Variants in KCNN3 observed in about 807,000 individuals in gnomAD.
The protein encoded by KCNN3 is potassium calcium-activated channel subfamily N member 3.
A neutral mutation model predicts 62.9 loss-of-function variants in KCNN3; 16 were observed. The ratio of observed to expected loss-of-function variants is 0.25; its 90% CI spans 0.17 to 0.39. The LOEUF (loss-of-function observed/expected upper bound fraction) is 0.39. Ranked by LOEUF, KCNN3 falls within the 10% of genes least tolerant of loss-of-function variation. KCNN3 has a pLI of 1.00. For missense variants in KCNN3, 599 were observed against 949.4 expected, an observed-to-expected ratio of 0.63 and a Z score of 4.85; for synonymous variants, 370 against 389.2, an observed-to-expected ratio of 0.95 and a Z score of 0.58.
chr1:154,731,442 C>G (rs1700589929), intron 4 of KCNN3, among the ~76,000 whole-genome samples: 1 of 152,248 alleles, frequency 6.6e-6, no homozygotes. Context: ...AGCCTGGCCC[C>G]TCCTGCTCAG....
At position 154,869,401 on chromosome 1, in the gene KCNN3, G is replaced by A; in HGVS notation, c.564C>T (p.Leu188=). 6.2e-7 allele frequency: 1 copy of A among 1,614,066 alleles called. No homozygotes were observed. Among genetic ancestry groups the A allele is most frequent in the East Asian group, 2.2e-5 (1 of 44,870 alleles). The change falls in exon 1 of 8, where the codon CTC becomes CTT. Residue 188 remains leucine, a synonymous_variant. Coordinates refer to ENST00000271915, the MANE Select transcript of KCNN3 (RefSeq NM_002249.6). The surrounding 1 kb of genome is among the most constrained non-coding windows in gnomAD (Gnocchi z 6.1). The stretch of plus-strand genomic sequence containing the variant: ...TCCTCCGGGAGGCGCTGAGGCGGCT[G>A]AGGGGCTTCATGACCCCACCGCTAT... ...CKYSGGVMKP[L]SRLSASRRNL...
At chr1:154,815,334 T>C (rs1254305737) in intron 2 of KCNN3, among the ~76,000 whole-genome samples, 2 of 152,060 alleles carry the variant, frequency 1.3e-5, no homozygotes, top group African/African-American at 2.4e-5. Context: ...TCTTTTTTTT[T>C]CCTCTCCTGA....
At chr1:154,783,827 C>T (rs1649165089) in intron 2 of KCNN3, among the ~76,000 whole-genome samples, 1 of 152,166 alleles carries the variant, frequency 6.6e-6, no homozygotes, top group Non-Finnish European at 1.5e-5. Flanking sequence ...GAGCATGTGG[C>T]GTTCAGCGCT....
intron 2 of KCNN3, among the ~76,000 whole-genome samples, chr1:154,785,376 G>C (rs74863659): frequency 1.3e-5 from 2 of 152,200 alleles, no homozygotes; most frequent in Non-Finnish European, 1.5e-5. Flanking sequence ...CCAGGTGGTG[G>C]TGGTGGGCAG....
chr1:154,785,800 G>A (rs971081707), intron 2 of KCNN3, among the ~76,000 whole-genome samples: 7 of 151,704 alleles, frequency 4.6e-5, no homozygotes, highest in African/African-American at 7.3e-5. Flanking sequence ...GGGGTTTTGC[G>A]ATGTTGGCCA....
intron 4 of KCNN3, among the ~76,000 whole-genome samples, chr1:154,729,581 T>C (rs1700547385): frequency 6.6e-6 from 1 of 152,038 alleles, no homozygotes; most frequent in Non-Finnish European, 1.5e-5. Flanking sequence ...GGGAAAAGTA[T>C]GAGGTGTTCT....
At position 154,804,554 on chromosome 1, in the gene KCNN3, A is replaced by G. The variant is rs559247606; in HGVS notation, c.1029+17535T>C. On this transcript the variant is annotated intron_variant, in intron 2 of 7. Transcript: ENST00000271915. ...TACCAGCCCTCTCCCTCCCAAGACC[A>G]TGAACTATTTGAAGGCAGAGAACAC... Among the ~76,000 whole-genome samples, 3 of 152,192 alleles carry G rather than the reference A, an allele frequency of 2.0e-5. No homozygotes were observed. In the East Asian group the frequency reaches 5.8e-4, roughly 29 times the overall value.
intron 3 of KCNN3, among the ~76,000 whole-genome samples, chr1:154,750,906 G>C (rs113637245): frequency 6.6e-6 from 1 of 152,212 alleles, no homozygotes; most frequent in Admixed American, 6.5e-5. Context: ...CCCTGGACAC[G>C]TGGCTGAAGG....
intron 2 of KCNN3, among the ~76,000 whole-genome samples, chr1:154,783,813 T>C (rs1184129251): frequency 6.6e-6 from 1 of 152,060 alleles, no homozygotes; most frequent in Non-Finnish European, 1.5e-5. Context: ...GACTGTAAGA[T>C]CAGGAGCATG....
chr1:154,820,702 A>C (rs556392059), intron 2 of KCNN3, among the ~76,000 whole-genome samples: 6 of 152,220 alleles, frequency 3.9e-5, no homozygotes, highest in Non-Finnish European at 8.8e-5. Flanking sequence ...TGTCCAATTC[A>C]GACTCCATGA....
chr1:154,772,527 G>A lies in KCNN3; in HGVS notation c.1030-134C>T. The A allele has an allele frequency of 1.2e-6, 1 of 812,974 alleles. No homozygotes were observed. Among genetic ancestry groups the A allele is most frequent in the Non-Finnish European group, 2.1e-6 (1 of 483,048 alleles). The allele number at this position is 812,974 out of a possible 1,614,324, so 50.4% of individuals were successfully genotyped here. ...CCTGACCACCTCAGCATGCTCTTTA[G>A]GGGCCTTGCTATGTGGCAAGAGCCC... On this transcript the variant is annotated intron_variant, in intron 2 of 7. Transcript: ENST00000271915. This position sits in a 1 kb window ranked among gnomAD's most constrained non-coding sequence, Gnocchi z 5.6.
At chr1:154,865,945 G>T (rs936816251) in intron 1 of KCNN3, among the ~76,000 whole-genome samples, 1 of 152,060 alleles carries the variant, frequency 6.6e-6, no homozygotes, top group East Asian at 1.9e-4. Flanking sequence ...TTGTCCATCC[G>T]CCTGCCTCCA....
At chr1:154,711,968 A>G (rs6656385) in intron 7 of KCNN3, among the ~76,000 whole-genome samples, 2,502 of 149,020 alleles carry the variant, frequency 0.017, 76 homozygotes, top group African/African-American at 0.06. Flanking sequence ...AAGGGAGAGG[A>G]AGAGAGAGAC....
At chr1:154,853,269 G>A (rs116220920) in intron 1 of KCNN3, among the ~76,000 whole-genome samples, 5,697 of 151,992 alleles carry the variant, frequency 0.037, 374 homozygotes, top group African/African-American at 0.13. Flanking sequence ...GATAATAGGC[G>A]TGAGCTACCA....
At chr1:154,851,777 C>G (rs751214944) in intron 1 of KCNN3, among the ~76,000 whole-genome samples, 1 of 152,202 alleles carries the variant, frequency 6.6e-6, no homozygotes, top group Non-Finnish European at 1.5e-5. Flanking sequence ...GCTCCCTGAC[C>G]CTGGCTTGAC....
rs1571294289 is a variant in KCNN3, at chr1:154,805,356, T to C, written c.1029+16733A>G. Reference sequence around the variant, plus strand: ...GCTTGGAAAAATCGCCTCTATTCAATGCCTCCCCTGAGCAATTGAGCAATT... The same window carrying C: ...GCTTGGAAAAATCGCCTCTATTCAACGCCTCCCCTGAGCAATTGAGCAATT... On this transcript the variant is annotated intron_variant, in intron 2 of 7. Transcript: ENST00000271915. 5.3e-5 allele frequency among the ~76,000 whole-genome samples: 8 copies of C among 152,288 alleles called. No individual in the cohort carries two copies. In the South Asian group the frequency reaches 1.7e-3, roughly 32 times the overall value.
chr1:154,795,320 T>C (rs962948987), intron 2 of KCNN3, among the ~76,000 whole-genome samples: 10 of 152,234 alleles, frequency 6.6e-5, no homozygotes, highest in Non-Finnish European at 7.3e-5. Flanking sequence ...ATTGGTAGGC[T>C]GACTGCGTGA....
At chr1:154,732,019 C>T (rs1411481876) in intron 4 of KCNN3, among the ~76,000 whole-genome samples, 1 of 152,240 alleles carries the variant, frequency 6.6e-6, no homozygotes, top group Non-Finnish European at 1.5e-5. Context: ...CAATTTGCAA[C>T]TGAAGGACAC....
intron 2 of KCNN3, among the ~76,000 whole-genome samples, chr1:154,818,899 C>A (rs148449654): frequency 1.3e-5 from 2 of 152,340 alleles, no homozygotes; most frequent in East Asian, 3.9e-4. Context: ...TGGGCAGGGC[C>A]TGGGTCCTGG....
Sources: gnomAD v4.1 joint callset for allele counts (sites outside exome capture counted in the v4.1 genomes callset) on GRCh38, gnomAD v4.1.1 for gene constraint, Gnocchi (gnomAD v3.1) non-coding constraint, MANE v1.5 for transcripts, NCBI Gene and HGNC (gene_info 2026-07-23, HGNC 2026-07-21) for gene names.